PHEX: variants seen among roughly 807,000 people sequenced by gnomAD.
The protein encoded by PHEX is phosphate regulating endopeptidase X-linked.
A neutral mutation model predicts 68.0 loss-of-function variants in PHEX; 16 were observed. That is an observed-to-expected ratio of 0.24 (90% CI 0.16 to 0.36). The LOEUF (loss-of-function observed/expected upper bound fraction) is 0.36, where lower values mean the gene tolerates loss of function less well. PHEX is among the 10% of genes least tolerant of loss of function. PHEX has a pLI of 1.00. For synonymous variants in PHEX, 208 were observed against 205.1 expected (o/e 1.01, Z -0.12); for missense variants, 480 against 575.5 (o/e 0.83, Z 1.70).
intron 11 of PHEX, among the ~76,000 whole-genome samples, chrX:22,122,496 C>T (rs986582230): frequency 1.8e-5 from 2 of 111,931 alleles, no homozygotes; most frequent in Non-Finnish European, 3.8e-5. Context: ...ATTGATAGCT[C>T]ATAGCCCAGC....
chrX:22,206,169 C>T (rs926264307), intron 15 of PHEX, among the ~76,000 whole-genome samples: 1 of 111,995 alleles, frequency 8.9e-6, no homozygotes, highest in Admixed American at 9.5e-5. Flanking sequence ...AAATGAAAAC[C>T]AGAACTTGAA....
At chrX:22,063,262 T>C (rs1485294860) in intron 3 of PHEX, among the ~76,000 whole-genome samples, 2 of 112,481 alleles carry the variant, frequency 1.8e-5, no homozygotes, top group African/African-American at 3.2e-5. Flanking sequence ...TATTAATTTC[T>C]CTCCATTTAC....
rs1933781331 is a variant in PHEX, at chrX:22,178,450, G to A, written c.1586+74G>A. ...GCGGAGTCTCTTTAGATTAAACTTT[G>A]TAATTCCCCTCAAGTCAGAGTAGCT... On this transcript the variant is annotated intron_variant, in intron 14 of 21. Transcript: ENST00000379374. The A allele has an allele frequency of 1.3e-5, 8 of 620,958 alleles. No homozygotes were observed. In the South Asian group the frequency reaches 1.9e-4, roughly 15 times the overall value. The allele number at this position is 620,958 out of a possible 1,213,427, so 51.2% of individuals were successfully genotyped here.
chrX:22,098,998 C>A lies in PHEX; in HGVS notation c.934-8C>A. ...TCTCTCATTCTGTTTTGTTCTCTCTCCCCTCAGTTCGACTGGCTGGGCTAC... is the reference window on the plus strand; with the variant it reads ...TCTCTCATTCTGTTTTGTTCTCTCTACCCTCAGTTCGACTGGCTGGGCTAC... On this transcript the variant is annotated splice_region_variant and splice_polypyrimidine_tract_variant and intron_variant, in intron 8 of 21. Transcript: ENST00000379374. 1 of 1,207,244 alleles carries A rather than the reference C, an allele frequency of 8.3e-7. No homozygotes were observed. The highest frequency in any genetic ancestry group is 1.1e-6 in the Non-Finnish European group (1 of 892,888).
At chrX:22,113,092 A>G (rs1383948908) in intron 10 of PHEX, among the ~76,000 whole-genome samples, 3 of 107,806 alleles carry the variant, frequency 2.8e-5, no homozygotes, top group Non-Finnish European at 5.8e-5. Context: ...CACATAAAAG[A>G]TGATGCCCAG....
chrX:22,227,878 T>A (rs1415392253), intron 20 of PHEX, among the ~76,000 whole-genome samples: 2 of 111,989 alleles, frequency 1.8e-5, no homozygotes, highest in East Asian at 5.6e-4. Context: ...TTCCTCAATG[T>A]ATCTTGACTT....
At chrX:22,118,339 C>CAAAAAAAAAAAAAAAAAAAAAAAA (rs1157170753) in intron 11 of PHEX, among the ~76,000 whole-genome samples, 1 of 21,111 alleles carries the variant, frequency 4.7e-5, no homozygotes, top group African/African-American at 1.7e-4. Context: ...TAAACAGCAC[C>CAAAAAAAAAAAAAAAAAAAAAAAA]AAAAAAAAAA....
chrX:22,206,486 A>C (rs1934715346), intron 15 of PHEX, among the ~76,000 whole-genome samples: 1 of 111,907 alleles, frequency 8.9e-6, no homozygotes, highest in Non-Finnish European at 1.9e-5. Flanking sequence ...AGTTGGGGAA[A>C]GACAGAAAAC....
At chrX:22,173,296 A>G (rs1392366052) in intron 13 of PHEX, among the ~76,000 whole-genome samples, 1 of 110,612 alleles carries the variant, frequency 9.0e-6, no homozygotes, top group Non-Finnish European at 1.9e-5. Context: ...ACTCTCTCAC[A>G]TTGGCCTTCA....
At chrX:22,170,237 A>G (rs1933477152) in intron 13 of PHEX, among the ~76,000 whole-genome samples, 1 of 112,117 alleles carries the variant, frequency 8.9e-6, no homozygotes, top group Admixed American at 9.5e-5. Flanking sequence ...GAAGAGTATC[A>G]TCAGGGCACA....
chrX:22,124,751 C>G (rs1931644390), intron 11 of PHEX, among the ~76,000 whole-genome samples: 1 of 111,976 alleles, frequency 8.9e-6, no homozygotes, highest in African/African-American at 3.2e-5. Context: ...TAAATATCTA[C>G]CTGAGTCTTA....
chrX:22,102,821 C>T (rs1257446355), intron 9 of PHEX, among the ~76,000 whole-genome samples: 2 of 112,044 alleles, frequency 1.8e-5, no homozygotes, highest in African/African-American at 3.2e-5. Context: ...TGAGGATCCC[C>T]CCACCTCCTA....
chrX:22,062,620 A>G (rs1192533653), intron 3 of PHEX, among the ~76,000 whole-genome samples: 1 of 111,500 alleles, frequency 9.0e-6, no homozygotes, highest in Admixed American at 9.6e-5. Flanking sequence ...GAAAAGTACA[A>G]TTCTAGAGTG....
intron 9 of PHEX, among the ~76,000 whole-genome samples, chrX:22,101,559 A>C (rs1930428534): frequency 8.9e-6 from 1 of 111,872 alleles, no homozygotes; most frequent in South Asian, 3.7e-4. Flanking sequence ...CTTTCTTCTA[A>C]ATAGTGACTT....
At chrX:22,205,016 A>G (rs1470568020) in intron 15 of PHEX, among the ~76,000 whole-genome samples, 1 of 112,350 alleles carries the variant, frequency 8.9e-6, no homozygotes, top group Non-Finnish European at 1.9e-5. Context: ...CAAAACTAAT[A>G]ATGCAACAGA....
At chrX:22,224,331 G>A (rs755599374) in intron 18 of PHEX, among the ~76,000 whole-genome samples, 1 of 111,748 alleles carries the variant, frequency 8.9e-6, no homozygotes, top group East Asian at 2.8e-4. Context: ...ACCTATAATG[G>A]AATGAGGGAA....
chrX:22,053,428 T>C (rs1330851506), intron 3 of PHEX, among the ~76,000 whole-genome samples: 1 of 112,126 alleles, frequency 8.9e-6, no homozygotes, highest in Non-Finnish European at 1.9e-5. Flanking sequence ...TGTGAATTTT[T>C]TTCTTTAAAT....
intron 12 of PHEX, among the ~76,000 whole-genome samples, chrX:22,148,136 G>A (rs1932761594): frequency 9.0e-6 from 1 of 111,202 alleles, no homozygotes; most frequent in Non-Finnish European, 1.9e-5. Context: ...TCCTCTGCTG[G>A]TTTCACCTGG....
At chrX:22,221,377 C>A (rs1237134435) in intron 17 of PHEX, among the ~76,000 whole-genome samples, 1 of 112,070 alleles carries the variant, frequency 8.9e-6, no homozygotes, top group Non-Finnish European at 1.9e-5. Context: ...TGATGAATCT[C>A]ATTTTTAAGG....
Sources: gnomAD v4.1 joint callset for allele counts (sites outside exome capture counted in the v4.1 genomes callset) on GRCh38, gnomAD v4.1.1 for gene constraint, MANE v1.5 for transcripts, NCBI Gene and HGNC (gene_info 2026-07-23, HGNC 2026-07-21) for gene names.